Variants in TXNDC5 observed in about 807,000 individuals in gnomAD.
The protein encoded by TXNDC5 is thioredoxin domain-containing protein 5.
A neutral mutation model predicts 52.6 loss-of-function variants in TXNDC5; 44 were observed. The ratio of observed to expected loss-of-function variants is 0.84; its 90% CI spans 0.66 to 1.08. TXNDC5 has a LOEUF of 1.08. Ranked by LOEUF, TXNDC5 falls within the 50% of genes least tolerant of loss-of-function variation. TXNDC5 has a pLI of 0.00. For synonymous variants in TXNDC5, 241 were observed against 234.4 expected (o/e 1.03, Z -0.26); for missense variants, 600 against 565.5 (o/e 1.06, Z -0.62).
intron 7 of TXNDC5, among the ~76,000 whole-genome samples, 180 bp from the exon 8 acceptor site, chr6:7,886,223 G>A (rs887344689): frequency 2.0e-5 from 3 of 152,216 alleles, no homozygotes; most frequent in African/African-American, 7.2e-5. Context: ...AGGGAGGCTG[G>A]CAGCCTCTGA....
chr6:7,888,845 C>A lies in TXNDC5; in HGVS notation c.823G>T (p.Asp275Tyr). 1 of 1,607,898 alleles carries A rather than the reference C, an allele frequency of 6.2e-7. No individual in the cohort carries two copies. Among genetic ancestry groups the A allele is most frequent in the South Asian group, 1.1e-5 (1 of 90,044 alleles). ...AAATCCCGCTTTCCCTTGTACTGAT[C>A]CACCTGGCCAAGACACGGGCACGCG... Reference protein sequence around the residue: ...LLWFRDGKKVDQYKGKRDLES... With the variant: ...LLWFRDGKKVYQYKGKRDLES... Residue 275 changes from aspartate to tyrosine, a missense_variant, in exon 7 of 10, where the codon GAT (aspartate) becomes TAT (tyrosine). By Grantham distance (160) the Asp-to-Tyr change is radical. Transcript: ENST00000379757.
chr6:7,908,281 C>CAAAAAAAAA (rs57783770), intron 1 of TXNDC5, among the ~76,000 whole-genome samples: 1 of 62,778 alleles, frequency 1.6e-5, no homozygotes, highest in Non-Finnish European at 3.2e-5. Flanking sequence ...GACTCCATCT[C>CAAAAAAAAA]AAAAAAAAAA....
chr6:7,893,786 G>C (rs1218111220), intron 4 of TXNDC5, among the ~76,000 whole-genome samples: 1 of 152,220 alleles, frequency 6.6e-6, no homozygotes, highest in Non-Finnish European at 1.5e-5. Flanking sequence ...CTCCCAGCAG[G>C]CACAAGTCAC....
rs898579732 is a variant in TXNDC5 at position 7,882,228 on chromosome 6, T to TCCCTGGATA, written c.*907_*915dup. ...GGCCCTTCAGCAGGGCTGCAGAGCC[T>TCCCTGGATA]CCCTGGATACCCAGGCCTGGGAAAG... On this transcript the variant is annotated 3_prime_UTR_variant, in exon 10 of 10. Transcript: ENST00000379757. 4 of 152,610 alleles carry TCCCTGGATA rather than the reference T, an allele frequency of 2.6e-5. No individual in the cohort carries two copies. The highest frequency in any genetic ancestry group is 9.7e-5 in the African/African-American group (4 of 41,448). The allele number at this position is 152,610 out of a possible 1,614,324, so 9.5% of individuals were successfully genotyped here.
chr6:7,884,577 T>TAGA (rs1203046153), intron 8 of TXNDC5, 89 bp from the exon 9 acceptor site: 1 of 1,565,826 alleles, frequency 6.4e-7, no homozygotes, highest in Admixed American at 1.8e-5. Flanking sequence ...CTGTTTCTTC[T>TAGA]GTATGGGACA....
rs1759815185 is a variant in TXNDC5, at chr6:7,882,896, G to A, written c.*248C>T. The A allele has an allele frequency of 4.6e-6, 2 of 431,202 alleles. No homozygotes were observed. The highest frequency in any genetic ancestry group is 3.9e-5 in the African/African-American group (2 of 50,754). The allele number at this position is 431,202 out of a possible 1,614,324, so 26.7% of individuals were successfully genotyped here. On this transcript the variant is annotated 3_prime_UTR_variant, in exon 10 of 10. Coordinates refer to ENST00000379757, the MANE Select transcript of TXNDC5 (RefSeq NM_030810.5). ...ATTTCATCAAGAGAAGGTCAAAGGG[G>A]ATATATCGCCACTGAAAATGTTTAC...
Position 7,883,174 on chromosome 6 carries a change from A to T in TXNDC5, c.1269T>A (p.Phe423Leu), listed in dbSNP as rs1759828901. 6.2e-7 allele frequency: 1 copy of T among 1,614,204 alleles called. No homozygotes were observed. Among genetic ancestry groups the T allele is most frequent in the Non-Finnish European group, 8.5e-7 (1 of 1,180,034 alleles). ...GTTCGTCTTTCGCTTGGCTCAGGAC[A>T]AAGCGGTGTAACGAGTCAAGGTCTC... Reference protein sequence around the residue: ...GGRDLDSLHRFVLSQAKDEL With the variant: ...GGRDLDSLHRLVLSQAKDEL Residue 423 changes from phenylalanine to leucine, a missense_variant, in exon 10 of 10, where the codon TTT becomes TTA. Phe to Leu is a conservative substitution (Grantham distance 22). Coordinates refer to ENST00000379757, the MANE Select transcript of TXNDC5 (RefSeq NM_030810.5).
intron 4 of TXNDC5, among the ~76,000 whole-genome samples, chr6:7,892,934 T>C (rs889282152): frequency 6.6e-6 from 1 of 152,238 alleles, no homozygotes; most frequent in African/African-American, 2.4e-5. Flanking sequence ...GTGCCCTGCA[T>C]GGGACACGGG....
chr6:7,889,197 T>G, intron 6 of TXNDC5: 1 of 461,094 alleles, frequency 2.2e-6, no homozygotes, highest in South Asian at 3.6e-5. Flanking sequence ...GTGCAAGCCT[T>G]AGCTCTGTTC....
intron 7 of TXNDC5, 151 bp from the exon 8 acceptor site, chr6:7,886,194 T>C (rs1238799011): frequency 4.6e-6 from 3 of 654,922 alleles, no homozygotes; most frequent in Non-Finnish European, 7.9e-6. Flanking sequence ...ACAATCTGCA[T>C]TTCATAGGCT....
At chr6:7,909,067 T>G (rs555326996) in intron 1 of TXNDC5, among the ~76,000 whole-genome samples, 108 of 152,358 alleles carry the variant, frequency 7.1e-4, no homozygotes, top group African/African-American at 2.5e-3. Context: ...TGAAACATAA[T>G]GTACTTCATA....
At chr6:7,898,044 C>CCACCATA (rs1760432976) in intron 3 of TXNDC5, among the ~76,000 whole-genome samples, 1 of 152,082 alleles carries the variant, frequency 6.6e-6, no homozygotes, top group African/African-American at 2.4e-5. Context: ...CCAACAGTCT[C>CCACCATA]CACCATACAG....
intron 3 of TXNDC5, among the ~76,000 whole-genome samples, chr6:7,896,574 A>G (rs988232366): frequency 3.3e-5 from 5 of 152,230 alleles, no homozygotes; most frequent in Admixed American, 3.3e-4. Flanking sequence ...TGGAATCATA[A>G]AGAACCACAA....
At chr6:7,895,680 G>A (rs6933741) in intron 3 of TXNDC5, among the ~76,000 whole-genome samples, 28,768 of 151,942 alleles carry the variant, frequency 0.19, 3,051 homozygotes, top group East Asian at 0.38. Context: ...AGCATTTTGG[G>A]AGGCTGAGGC....
chr6:7,886,981 A>G (rs141761870), intron 7 of TXNDC5, among the ~76,000 whole-genome samples: 14 of 152,352 alleles, frequency 9.2e-5, no homozygotes, highest in African/African-American at 3.4e-4. Flanking sequence ...CGATGAAAAC[A>G]TCCGTGGTAT....
chr6:7,892,736 C>T (rs1760238050), intron 4 of TXNDC5, among the ~76,000 whole-genome samples: 1 of 152,264 alleles, frequency 6.6e-6, no homozygotes, highest in African/African-American at 2.4e-5. Context: ...GTGACTTGCT[C>T]CTCCTTGCCT....
At chr6:7,910,432 A>AC (rs984214384) in intron 1 of TXNDC5, 82 bp downstream of exon 1, 196 of 1,235,856 alleles carry the variant, frequency 1.6e-4, no homozygotes, top group Admixed American at 3.8e-4. Context: ...TGGCCCCGGG[A>AC]CCCCCCGCCC....
Position 7,891,629 on chromosome 6 carries a change from T to C in TXNDC5, c.724A>G (p.Ile242Val). The change falls in exon 5 of 10, where the codon ATT (isoleucine) becomes GTT (valine). Residue 242 changes from isoleucine (I) to valine (V), a missense_variant. Ile to Val is a conservative substitution (Grantham distance 29, BLOSUM62 3). Transcript: ENST00000379757. The stretch of plus-strand genomic sequence containing the variant: ...TAAGGGCTTTCACTCACCTTGCCAA[T>C]CTTGACAGTTTCGGAATGTTCAAGG... ...LGLEHSETVK[I>V]GKVDCTQHYE... 1 of 1,613,746 alleles carries C rather than the reference T, an allele frequency of 6.2e-7. No individual in the cohort carries two copies. The highest frequency in any genetic ancestry group is 8.5e-7 in the Non-Finnish European group (1 of 1,179,758).
Position 7,905,827 on chromosome 6 carries a change from CT to C in TXNDC5, c.264-1105del, listed in dbSNP as rs989927193. Reference sequence around the variant, plus strand: ...CTTTGCTGTATCGCTTTTTAAAATGCTTTTTTTTTAAACACACTTGCTTATA... The same window carrying C: ...CTTTGCTGTATCGCTTTTTAAAATGCTTTTTTTTAAACACACTTGCTTATA... On this transcript the variant is annotated intron_variant, in intron 1 of 9. Transcript: ENST00000379757. Among the ~76,000 whole-genome samples, 250 of 151,724 alleles carry C rather than the reference CT, an allele frequency of 1.6e-3. 1 individual carries two copies. The highest frequency in any genetic ancestry group is 5.7e-3 in the African/African-American group (237 of 41,354).
Sources: gnomAD v4.1 joint callset for allele counts (sites outside exome capture counted in the v4.1 genomes callset) on GRCh38, gnomAD v4.1.1 for gene constraint, MANE v1.5 for transcripts, NCBI Gene and HGNC (gene_info 2026-07-23, HGNC 2026-07-21) for gene names.